The following CPVL variants were observed in gnomAD, a reference collection of about 807,000 sequenced individuals.
CPVL encodes the protein probable serine carboxypeptidase CPVL.
A neutral mutation model predicts 63.7 loss-of-function variants in CPVL; 51 were observed. That is an observed-to-expected ratio of 0.80 (90% CI 0.64 to 1.01). The LOEUF is 1.01. Ranked by LOEUF, CPVL falls within the 50% of genes least tolerant of loss-of-function variation. CPVL has a pLI of 0.00. For missense variants in CPVL, 530 were observed against 573.1 expected, an observed-to-expected ratio of 0.92 and a Z score of 0.77; for synonymous variants, 195 against 206.0, an observed-to-expected ratio of 0.95 and a Z score of 0.46.
chr7:29,045,625 T>C (rs1789536201), intron 11 of CPVL, among the ~76,000 whole-genome samples: 1 of 152,246 alleles, frequency 6.6e-6, no homozygotes, highest in Non-Finnish European at 1.5e-5. Flanking sequence ...TTTCCCATCA[T>C]GGTTTGACAG....
At chr7:29,092,817 A>T (rs1173236513) in intron 5 of CPVL, 115 bp from the exon 6 acceptor site, 3 of 773,680 alleles carry the variant, frequency 3.9e-6, no homozygotes, top group Non-Finnish European at 4.4e-6. Flanking sequence ...CTCAGACTTC[A>T]GATTTTTGCC....
chr7:29,005,666 A>C (rs1305827674), intron 12 of CPVL, among the ~76,000 whole-genome samples: 5 of 152,218 alleles, frequency 3.3e-5, no homozygotes, highest in Admixed American at 6.5e-5. Context: ...CAGAAATGCC[A>C]GGAAAGCAAG....
At chr7:29,147,851 C>A (rs1445861359), upstream of CPVL, among the ~76,000 whole-genome samples, 1 of 152,194 alleles carries the variant, frequency 6.6e-6, no homozygotes, top group African/African-American at 2.4e-5. Context: ...ATAAGTTCTA[C>A]CTTCCTACCT....
intron 12 of CPVL, among the ~76,000 whole-genome samples, chr7:29,006,805 G>A (rs1785241011): frequency 6.6e-6 from 1 of 152,148 alleles, no homozygotes; most frequent in African/African-American, 2.4e-5. Context: ...CCCCAAAACT[G>A]TACAAGGCAA....
chr7:29,070,489 C>T (rs1229423608), intron 9 of CPVL, among the ~76,000 whole-genome samples: 2 of 152,208 alleles, frequency 1.3e-5, no homozygotes, highest in East Asian at 1.9e-4. Context: ...TTCACTCCTT[C>T]GTCCCCTCTG....
At chr7:29,118,043 CTTAA>C (rs888970563) in intron 2 of CPVL, among the ~76,000 whole-genome samples, 1 of 152,164 alleles carries the variant, frequency 6.6e-6, no homozygotes, top group Non-Finnish European at 1.5e-5. Flanking sequence ...TGCCTAATTC[CTTAA>C]TTGTTTTGTG....
At chr7:29,069,460 A>G (rs1783504703) in intron 9 of CPVL, among the ~76,000 whole-genome samples, 2 of 146,842 alleles carry the variant, frequency 1.4e-5, no homozygotes, top group African/African-American at 2.5e-5. Context: ...AAAAAAAAAA[A>G]GAAAAAGTCA....
chr7:29,072,679 C>T (rs1404332244), intron 7 of CPVL, among the ~76,000 whole-genome samples: 1 of 152,120 alleles, frequency 6.6e-6, no homozygotes, highest in African/African-American at 2.4e-5. Flanking sequence ...AATAAGTGAA[C>T]ATTCTAATTT....
rs561197826 is a variant in CPVL, at chr7:29,107,862, T to C, written c.288+4842A>G. ...TACATGGCACCATGCTGAAGTATGGTGGGGCCTGATTCCACGCCTTCACCC... is the reference window on the plus strand; with the variant it reads ...TACATGGCACCATGCTGAAGTATGGCGGGGCCTGATTCCACGCCTTCACCC... On this transcript the variant is annotated intron_variant, in intron 3 of 12. Transcript: ENST00000265394. Among the ~76,000 whole-genome samples, 213 of 152,342 alleles carry C rather than the reference T, an allele frequency of 1.4e-3. 1 individual carries two copies. Among genetic ancestry groups the C allele is most frequent in the Middle Eastern group, 6.8e-3 (2 of 292 alleles).
chr7:29,180,835 A>G (rs1051570524), intron 5 of CPVL, among the ~76,000 whole-genome samples: 1 of 152,180 alleles, frequency 6.6e-6, no homozygotes, highest in Non-Finnish European at 1.5e-5. Flanking sequence ...TATCATCCGT[A>G]TACCTCTTGG....
chr7:29,157,433 T>G (rs946331248), intron 5 of CPVL, among the ~76,000 whole-genome samples: 9 of 129,174 alleles, frequency 7.0e-5, no homozygotes, highest in Admixed American at 4.3e-4. Context: ...GAAATGGCGT[T>G]ATCTCAGTCA....
chr7:29,174,204 G>A (rs1232576761), intron 5 of CPVL, among the ~76,000 whole-genome samples: 1 of 152,084 alleles, frequency 6.6e-6, no homozygotes, highest in Non-Finnish European at 1.5e-5. Flanking sequence ...TCTCATGGGA[G>A]CAAAAGCCTT....
At chr7:29,033,517 G>T (rs317753) in intron 11 of CPVL, among the ~76,000 whole-genome samples, 24,134 of 152,214 alleles carry the variant, frequency 0.16, 1,967 homozygotes, top group Middle Eastern at 0.24. Flanking sequence ...GTCCCAGTTT[G>T]CCCTGGACAG....
Position 29,194,949 on chromosome 7 carries a change from C to T in CPVL, c.-448+128G>A, listed in dbSNP as rs1783462642. 4 of 1,573,998 alleles carry T rather than the reference C, an allele frequency of 2.5e-6. No individual in the cohort carries two copies. In the South Asian group the frequency reaches 4.6e-5, roughly 18 times the overall value. On this transcript the variant is annotated intron_variant, in intron 1 of 16. Transcript: ENST00000409850. Reference sequence around the variant, plus strand: ...CGCGAGGGGCGCGCGGAGATGGCAGCGTCCAGCAACTCCAGCCTGTCCGGC... The same window carrying T: ...CGCGAGGGGCGCGCGGAGATGGCAGTGTCCAGCAACTCCAGCCTGTCCGGC...
At chr7:29,190,548 C>T (rs901260272) in intron 1 of CPVL, among the ~76,000 whole-genome samples, 4 of 152,190 alleles carry the variant, frequency 2.6e-5, no homozygotes, top group Admixed American at 1.3e-4. Flanking sequence ...ACCATAAGAG[C>T]TACCCTGCAA....
At chr7:29,053,917 GA>G (rs1790451189) in intron 11 of CPVL, among the ~76,000 whole-genome samples, 1 of 148,898 alleles carries the variant, frequency 6.7e-6, no homozygotes, top group Non-Finnish European at 1.5e-5. Context: ...AAAGAAAAAA[GA>G]AAAAGAAAAG....
At chr7:29,099,835 C>T (rs1786902196) in intron 3 of CPVL, among the ~76,000 whole-genome samples, 1 of 152,184 alleles carries the variant, frequency 6.6e-6, no homozygotes, top group South Asian at 2.1e-4. Flanking sequence ...TTCCAGTTGG[C>T]CACATAACAG....
chr7:29,020,345 T>C (rs6959629), intron 12 of CPVL, among the ~76,000 whole-genome samples: 1 of 152,114 alleles, frequency 6.6e-6, no homozygotes, highest in Non-Finnish European at 1.5e-5. Flanking sequence ...AACATTCAAA[T>C]ATGCCCTTAA....
At chr7:29,149,166 A>G (rs1383231053), upstream of CPVL, among the ~76,000 whole-genome samples, 1 of 146,088 alleles carries the variant, frequency 6.8e-6, no homozygotes, top group African/African-American at 2.5e-5. Context: ...GTTCAAAATT[A>G]GTAGATTGGG....
Sources: gnomAD v4.1 joint callset for allele counts (sites outside exome capture counted in the v4.1 genomes callset) on GRCh38, gnomAD v4.1.1 for gene constraint, MANE v1.5 for transcripts, NCBI Gene and HGNC (gene_info 2026-07-23, HGNC 2026-07-21) for gene names.